Variants in SYN3 observed in about 807,000 individuals in gnomAD.
SYN3 encodes synapsin-3.
In SYN3, 35 loss-of-function variants were observed where a neutral mutation model predicts 65.8. The observed-to-expected ratio is 0.53, with a 90% CI of 0.41 to 0.70. The LOEUF (loss-of-function observed/expected upper bound fraction) is 0.70, where lower values mean the gene tolerates loss of function less well. SYN3 is among the 30% of genes least tolerant of loss of function. The pLI, the probability that SYN3 is intolerant of heterozygous loss-of-function variation, is 0.00. For missense variants in SYN3, 680 were observed against 749.0 expected (o/e 0.91, Z 1.08); for synonymous variants, 270 against 292.9 (o/e 0.92, Z 0.80).
chr22:32,889,501 A>G (rs2049383984), intron 4 of SYN3, among the ~76,000 whole-genome samples: 3 of 152,234 alleles, frequency 2.0e-5, no homozygotes, highest in Non-Finnish European at 4.4e-5. Context: ...AATAAAATCA[A>G]ATAGCACAGC....
chr22:32,931,285 A>G (rs1303538499), intron 4 of SYN3, 105 bp downstream of exon 4: 2 of 747,458 alleles, frequency 2.7e-6, no homozygotes, highest in South Asian at 1.5e-5. Flanking sequence ...AGGAAAGTAC[A>G]TGTGGCAAAG....
intron 3 of SYN3, among the ~76,000 whole-genome samples, chr22:32,968,569 C>T (rs1430812566): frequency 2.6e-5 from 4 of 152,204 alleles, no homozygotes; most frequent in Non-Finnish European, 5.9e-5. Context: ...TTGTCAGCTT[C>T]GTCTCCCACC....
intron 2 of SYN3, among the ~76,000 whole-genome samples, chr22:32,999,683 TAAAAAACAAAAACAAA>T (rs2052999204): frequency 1.6e-5 from 2 of 126,566 alleles, no homozygotes; most frequent in South Asian, 5.1e-4. Flanking sequence ...ACTCTGTCTC[TAAAAAACAAAAACAAA>T]ACAAAACAAA....
chr22:32,718,250 C>G (rs1601972495), intron 6 of SYN3, among the ~76,000 whole-genome samples: 1 of 152,122 alleles, frequency 6.6e-6, no homozygotes. Flanking sequence ...TTCTAGGGCC[C>G]TCCCTGCTGC....
intron 6 of SYN3, among the ~76,000 whole-genome samples, chr22:32,633,109 T>G (rs1008262026): frequency 1.3e-5 from 2 of 152,256 alleles, no homozygotes; most frequent in Admixed American, 6.5e-5. Flanking sequence ...TAACCGCACA[T>G]TGCCTCATAG....
intron 4 of SYN3, among the ~76,000 whole-genome samples, chr22:32,924,150 G>T (rs918990788): frequency 6.6e-6 from 1 of 152,150 alleles, no homozygotes; most frequent in Non-Finnish European, 1.5e-5. Flanking sequence ...ATGAACATTT[G>T]CATGCATGTG....
rs1601688957 is a variant in SYN3, at chr22:32,582,396, C to T, written c.774+14278G>A. Among the ~76,000 whole-genome samples, 4 of 149,730 alleles carry T rather than the reference C, an allele frequency of 2.7e-5. No individual in the cohort carries two copies. The East Asian group carries it at 6.0e-4, about 22-fold the overall frequency. ...ACCGGGTCTCACTCTGTTGCCCAGGCTGGAGTGCAGTGGTGTGATCACAGC... is the reference window on the plus strand; with the variant it reads ...ACCGGGTCTCACTCTGTTGCCCAGGTTGGAGTGCAGTGGTGTGATCACAGC... On this transcript the variant is annotated intron_variant, in intron 7 of 13. Coordinates refer to ENST00000358763, the MANE Select transcript of SYN3 (RefSeq NM_003490.4).
At chr22:32,867,914 TAA>T (rs1192990033) in intron 5 of SYN3, among the ~76,000 whole-genome samples, 1 of 152,202 alleles carries the variant, frequency 6.6e-6, no homozygotes, top group East Asian at 1.9e-4. Context: ...TTCTTACAGG[TAA>T]CATTTGGATG....
At chr22:32,634,768 C>T (rs563013100) in intron 6 of SYN3, among the ~76,000 whole-genome samples, 5 of 152,296 alleles carry the variant, frequency 3.3e-5, no homozygotes, top group East Asian at 1.9e-4. Flanking sequence ...TTCAGTGCTC[C>T]GGAATCCCTT....
At chr22:32,920,079 A>C (rs1342642236) in intron 4 of SYN3, among the ~76,000 whole-genome samples, 1 of 152,074 alleles carries the variant, frequency 6.6e-6, no homozygotes, top group Non-Finnish European at 1.5e-5. Flanking sequence ...TGCATTACTG[A>C]TGCTTCCTGG....
intron 6 of SYN3, among the ~76,000 whole-genome samples, chr22:32,612,294 G>A (rs1428201448): frequency 6.6e-6 from 1 of 152,210 alleles, no homozygotes; most frequent in African/African-American, 2.4e-5. Flanking sequence ...ACAAAAGTGT[G>A]GGTACCATGG....
At chr22:32,901,054 A>T (rs2146526376) in intron 4 of SYN3, among the ~76,000 whole-genome samples, 1 of 152,344 alleles carries the variant, frequency 6.6e-6, no homozygotes. Flanking sequence ...ATGCAAAATT[A>T]TGCAATTTGC....
intron 4 of SYN3, among the ~76,000 whole-genome samples, chr22:32,913,317 C>T (rs1212247394): frequency 6.6e-6 from 1 of 152,046 alleles, no homozygotes; most frequent in African/African-American, 2.4e-5. Context: ...CACCACCATA[C>T]CCAGCTAATT....
intron 6 of SYN3, among the ~76,000 whole-genome samples, chr22:32,858,352 G>C (rs5998647): frequency 0.042 from 6,388 of 152,280 alleles, 436 homozygotes; most frequent in African/African-American, 0.15. Flanking sequence ...CCTTTCTGCT[G>C]TAATCGGCTG....
chr22:32,946,307 G>T (rs1276811932), intron 3 of SYN3, among the ~76,000 whole-genome samples: 1 of 152,136 alleles, frequency 6.6e-6, no homozygotes, highest in African/African-American at 2.4e-5. Context: ...GTCCATCAAT[G>T]ATAGACTGGA....
chr22:32,990,967 C>G (rs538199759), intron 2 of SYN3, among the ~76,000 whole-genome samples: 2 of 152,082 alleles, frequency 1.3e-5, no homozygotes, highest in Non-Finnish European at 2.9e-5. Flanking sequence ...GGGCAGATCA[C>G]AAGGTCAAGA....
intron 7 of SYN3, among the ~76,000 whole-genome samples, chr22:32,543,705 G>T (rs2058294672): frequency 6.6e-6 from 1 of 152,158 alleles, no homozygotes; most frequent in Admixed American, 6.5e-5. Flanking sequence ...CGTGCGGGTA[G>T]ATGTGCCTGA....
intron 3 of SYN3, among the ~76,000 whole-genome samples, chr22:32,939,939 C>G (rs1178463319): frequency 6.6e-6 from 1 of 152,120 alleles, no homozygotes; most frequent in Non-Finnish European, 1.5e-5. Flanking sequence ...GAGAATTTTC[C>G]TCAGTGGTTT....
intron 10 of SYN3, 145 bp from the exon 11 acceptor site, chr22:32,529,153 G>T (rs2058030026): frequency 1.0e-6 from 1 of 974,976 alleles, no homozygotes; most frequent in East Asian, 2.5e-5. Flanking sequence ...CCTCCAGCTG[G>T]GACTGGCCGG....
Sources: allele counts gnomAD v4.1 joint callset (sites outside exome capture counted in the v4.1 genomes callset), GRCh38; gene constraint gnomAD v4.1.1; transcripts MANE v1.5; gene names NCBI Gene and HGNC (gene_info 2026-07-23, HGNC 2026-07-21).